The following FKBP5 variants were observed in gnomAD, a reference collection of about 807,000 sequenced individuals.
FKBP5 encodes peptidyl-prolyl cis-trans isomerase FKBP5.
Under a neutral mutation model 50.5 loss-of-function variants are expected in FKBP5, and 23 were observed. The ratio of observed to expected loss-of-function variants is 0.46; its 90% CI spans 0.33 to 0.65. The LOEUF (loss-of-function observed/expected upper bound fraction) is 0.65. Among genes scored for constraint, FKBP5 ranks in the 30% least tolerant of loss-of-function variants. The pLI is 0.02. For synonymous variants in FKBP5, 176 were observed against 190.6 expected (o/e 0.92, Z 0.63); for missense variants, 411 against 553.1 (o/e 0.74, Z 2.58).
At chr6:35,638,687 A>G (rs116196428) in intron 2 of FKBP5, among the ~76,000 whole-genome samples, 1,864 of 152,216 alleles carry the variant, frequency 0.012, 31 homozygotes, top group African/African-American at 0.038. Context: ...TAAAGTGCTG[A>G]GATTACTGGT....
intron 5 of FKBP5, among the ~76,000 whole-genome samples, chr6:35,598,656 G>A (rs527266784): frequency 6.6e-6 from 1 of 152,124 alleles, no homozygotes; most frequent in Non-Finnish European, 1.5e-5. Context: ...CAGTCACCAA[G>A]CAATATGATA....
Position 35,714,894 on chromosome 6 carries a change from G to T in FKBP5, c.-20+5434C>A, listed in dbSNP as rs1291135301. ...AGATGTCTTACATAAATGAAGGTGA[G>T]CCCTACTTCTTCATTCCATTAAATT... On this transcript the variant is annotated intron_variant, in intron 2 of 11. Transcript: ENST00000536438. Among the ~76,000 whole-genome samples the T allele has an allele frequency of 2.0e-5, 3 of 151,824 alleles. No homozygotes were observed. The East Asian group carries it at 5.8e-4, about 29-fold the overall frequency.
intron 1 of FKBP5, among the ~76,000 whole-genome samples, chr6:35,681,384 A>G (rs974493373): frequency 2.0e-5 from 3 of 152,186 alleles, no homozygotes; most frequent in African/African-American, 7.2e-5. Context: ...GCTACAGAAT[A>G]TTTCCATCAT....
intron 1 of FKBP5, among the ~76,000 whole-genome samples, chr6:35,654,916 G>C (rs1404126020): frequency 6.6e-6 from 1 of 152,220 alleles, no homozygotes; most frequent in Non-Finnish European, 1.5e-5. Flanking sequence ...GCTGGGTCCA[G>C]TGCCAAGTGC....
intron 1 of FKBP5, among the ~76,000 whole-genome samples, chr6:35,655,738 T>C (rs899105353): frequency 6.6e-6 from 1 of 152,220 alleles, no homozygotes; most frequent in Non-Finnish European, 1.5e-5. Context: ...CTTCTCTAAA[T>C]TTAATCTGAA....
chr6:35,647,560 ACTGTTAAGAGCAGCTCTTCC>A (rs1561875576), intron 1 of FKBP5, among the ~76,000 whole-genome samples: 2 of 152,170 alleles, frequency 1.3e-5, no homozygotes, highest in East Asian at 3.8e-4. Flanking sequence ...CCAAACACCA[ACTGTTAAGAGCAGCTCTTCC>A]CAGGGAGCCT....
intron 5 of FKBP5, among the ~76,000 whole-genome samples, chr6:35,617,232 C>A (rs139750925): frequency 6.6e-6 from 1 of 152,024 alleles, no homozygotes; most frequent in African/African-American, 2.4e-5. Flanking sequence ...TTGCCAGACT[C>A]GTAGAAATGA....
chr6:35,623,005 G>A (rs1225656918), intron 3 of FKBP5, among the ~76,000 whole-genome samples: 1 of 152,224 alleles, frequency 6.6e-6, no homozygotes, highest in Non-Finnish European at 1.5e-5. Flanking sequence ...CACTTTGGGA[G>A]GCTGAGGCGG....
chr6:35,611,947 C>T (rs1277881719), intron 5 of FKBP5, among the ~76,000 whole-genome samples: 9 of 151,996 alleles, frequency 5.9e-5, no homozygotes, highest in African/African-American at 1.7e-4. Context: ...ATTCTTTCCC[C>T]GGAACCTTGA....
intron 8 of FKBP5, chr6:35,581,808 G>A: frequency 1.0e-6 from 1 of 985,414 alleles, no homozygotes; most frequent in Non-Finnish European, 1.2e-6. Context: ...GACCTATTAG[G>A]ACATTAAATT....
intron 1 of FKBP5, among the ~76,000 whole-genome samples, chr6:35,723,518 T>C (rs1301358156): frequency 6.6e-6 from 1 of 151,734 alleles, no homozygotes; most frequent in Non-Finnish European, 1.5e-5. Flanking sequence ...CTTGGGAAAA[T>C]TCCCAGAAGA....
intron 7 of FKBP5, among the ~76,000 whole-genome samples, chr6:35,590,855 A>T (rs1006485595): frequency 6.6e-6 from 1 of 151,720 alleles, no homozygotes; most frequent in Non-Finnish European, 1.5e-5. Flanking sequence ...GGAACAAATA[A>T]GGGAACAAGT....
At chr6:35,602,145 C>T (rs1193453546) in intron 5 of FKBP5, among the ~76,000 whole-genome samples, 1 of 150,034 alleles carries the variant, frequency 6.7e-6, no homozygotes, top group Non-Finnish European at 1.5e-5. Context: ...ATTTGTACTC[C>T]GATTAAAATA....
intron 1 of FKBP5, among the ~76,000 whole-genome samples, chr6:35,666,710 G>A (rs1161120651): frequency 6.6e-6 from 1 of 151,966 alleles, no homozygotes; most frequent in African/African-American, 2.4e-5. Context: ...CCAACACAGT[G>A]AAACCCCGTC....
In FKBP5 at chr6:35,633,497, C is replaced by T. The variant is rs924873050; in HGVS notation, c.250+3517G>A. Among the ~76,000 whole-genome samples, 3 of 141,650 alleles carry T rather than the reference C, an allele frequency of 2.1e-5. No homozygotes were observed. In the Admixed American group the frequency reaches 2.2e-4, roughly 11 times the overall value. 92.9% of individuals were successfully genotyped at this position (141,650 alleles called of 152,430 possible). On this transcript the variant is annotated intron_variant, in intron 3 of 10. Transcript: ENST00000357266. Reference sequence around the variant, plus strand: ...GGCAGACGTTGCAGTGAGCCAAGATCACGCCACTGCACTTCAGCTTGGGCT... The same window carrying T: ...GGCAGACGTTGCAGTGAGCCAAGATTACGCCACTGCACTTCAGCTTGGGCT...
chr6:35,698,792 AAG>A (rs1766128729), intron 2 of FKBP5, among the ~76,000 whole-genome samples: 1 of 152,204 alleles, frequency 6.6e-6, no homozygotes, highest in African/African-American at 2.4e-5. Flanking sequence ...TGGCAGGAGC[AAG>A]AGAGAGAGTG....
intron 1 of FKBP5, among the ~76,000 whole-genome samples, chr6:35,726,184 GC>G (rs1561911888): frequency 6.6e-6 from 1 of 152,236 alleles, no homozygotes; most frequent in Non-Finnish European, 1.5e-5. Context: ...GTGAGGAAGT[GC>G]CTTGTCCAAG....
At chr6:35,584,537 T>C (rs1414782585) in intron 8 of FKBP5, 2 of 985,382 alleles carry the variant, frequency 2.0e-6, no homozygotes, top group East Asian at 1.1e-4. Flanking sequence ...GTATGGCAGA[T>C]TGAAACCTGC....
intron 4 of FKBP5, 68 bp downstream of exon 4, chr6:35,620,064 C>A: frequency 6.3e-7 from 1 of 1,580,740 alleles, no homozygotes; most frequent in Non-Finnish European, 8.7e-7. Flanking sequence ...TTTCCCACTG[C>A]CTGTTGCTTC....
Sources: allele counts gnomAD v4.1 joint callset (sites outside exome capture counted in the v4.1 genomes callset), GRCh38; gene constraint gnomAD v4.1.1; transcripts MANE v1.5; gene names NCBI Gene and HGNC (gene_info 2026-07-23, HGNC 2026-07-21).